LINGO2: variants seen among roughly 807,000 people sequenced by gnomAD.
LINGO2 encodes the protein leucine rich repeat and Ig domain containing 2, also known as leucine-rich repeat and immunoglobulin-like domain-containing nogo receptor-interacting protein 2.
Under a neutral mutation model 30.6 loss-of-function variants are expected in LINGO2, and 14 were observed. The ratio of observed to expected loss-of-function variants is 0.46; its 90% CI spans 0.30 to 0.72. LINGO2 has a LOEUF of 0.72. LINGO2 is among the 30% of genes least tolerant of loss of function. The pLI, the probability that LINGO2 is intolerant of heterozygous loss-of-function variation, is 0.07. For missense variants in LINGO2, 729 were observed against 751.7 expected, an observed-to-expected ratio of 0.97 and a Z score of 0.35; for synonymous variants, 317 against 288.5, an observed-to-expected ratio of 1.10 and a Z score of -1.00.
At chr9:28,559,828 GA>G (rs1415491636) in intron 1 of LINGO2, among the ~76,000 whole-genome samples, 1 of 151,908 alleles carries the variant, frequency 6.6e-6, no homozygotes, top group Non-Finnish European at 1.5e-5. Context: ...TTCATTTCAA[GA>G]AAAGTTTAGT....
chr9:28,476,564 C>G (rs934754096), intron 1 of LINGO2, among the ~76,000 whole-genome samples: 1 of 152,298 alleles, frequency 6.6e-6, no homozygotes, highest in South Asian at 2.1e-4. Context: ...CGTGAGCCAC[C>G]GCGCCCGGCC....
At chr9:28,238,269 G>A (rs2133962597) in intron 4 of LINGO2, among the ~76,000 whole-genome samples, 1 of 151,998 alleles carries the variant, frequency 6.6e-6, no homozygotes, top group African/African-American at 2.4e-5. Flanking sequence ...ACAAAAAATG[G>A]GACTTAATCT....
the LINGO2 span, among the ~76,000 whole-genome samples, chr9:29,078,517 G>C: frequency 6.6e-6 from 1 of 151,884 alleles, no homozygotes; most frequent in East Asian, 1.9e-4. Flanking sequence ...AATAAACCTT[G>C]AGTCACAACT....
At chr9:28,479,883 GTA>G (rs1491171395) in intron 1 of LINGO2, among the ~76,000 whole-genome samples, 105 of 122,358 alleles carry the variant, frequency 8.6e-4, no homozygotes, top group East Asian at 1.2e-3. Context: ...GTGTGTGTGT[GTA>G]TGTGTGTATG....
At chr9:28,968,771 T>G in the LINGO2 span, among the ~76,000 whole-genome samples, 1 of 152,312 alleles carries the variant, frequency 6.6e-6, no homozygotes, top group East Asian at 1.9e-4. Context: ...TTCTTGGAAC[T>G]TGTATTAATT....
intron 3 of LINGO2, among the ~76,000 whole-genome samples, chr9:28,359,094 A>G (rs1820343674): frequency 6.6e-6 from 1 of 152,030 alleles, no homozygotes. Context: ...CCTTTACCTA[A>G]CCCAAACTTC....
At chr9:29,086,981 T>C in the LINGO2 span, among the ~76,000 whole-genome samples, 1 of 151,344 alleles carries the variant, frequency 6.6e-6, no homozygotes, top group Non-Finnish European at 1.5e-5. Context: ...TCCCGGGCAA[T>C]TCTTCTGCCT....
chr9:29,149,580 C>T, the LINGO2 span, among the ~76,000 whole-genome samples: 1 of 151,644 alleles, frequency 6.6e-6, no homozygotes, highest in African/African-American at 2.4e-5. Flanking sequence ...GGGCTAGTTT[C>T]CACCCCTGAA....
At chr9:29,156,627 G>C in the LINGO2 span, among the ~76,000 whole-genome samples, 1 of 151,942 alleles carries the variant, frequency 6.6e-6, no homozygotes, top group Non-Finnish European at 1.5e-5. Context: ...TAACTTCCAA[G>C]ACTGAAGTAC....
the LINGO2 span, among the ~76,000 whole-genome samples, chr9:29,170,866 T>A: frequency 6.6e-6 from 1 of 152,204 alleles, no homozygotes. Flanking sequence ...TTTTCTTTAG[T>A]GAATTAAATT....
chr9:28,419,515 T>C (rs1823101728), intron 2 of LINGO2, among the ~76,000 whole-genome samples: 1 of 152,030 alleles, frequency 6.6e-6, no homozygotes, highest in East Asian at 1.9e-4. Flanking sequence ...TAGTCCATCT[T>C]GTCCTTAAAC....
chr9:28,910,305 C>A, the LINGO2 span, among the ~76,000 whole-genome samples: 2 of 151,150 alleles, frequency 1.3e-5, no homozygotes, highest in Non-Finnish European at 3.0e-5. Context: ...TAAATGCTCA[C>A]CAATTTTTTT....
chr9:28,565,848 C>T (rs575883485), intron 1 of LINGO2, among the ~76,000 whole-genome samples: 151 of 152,194 alleles, frequency 9.9e-4, no homozygotes, highest in African/African-American at 3.4e-3. Context: ...GCCACTGTGA[C>T]GAGCCCAAAA....
At chr9:28,073,189 T>C (rs1357947437) in intron 4 of LINGO2, among the ~76,000 whole-genome samples, 2 of 152,012 alleles carry the variant, frequency 1.3e-5, no homozygotes, top group African/African-American at 2.4e-5. Context: ...GCTGACGGGA[T>C]GGAGAAGGGC....
At chr9:28,211,973 CT>C (rs1820608988) in intron 4 of LINGO2, among the ~76,000 whole-genome samples, 2 of 150,924 alleles carry the variant, frequency 1.3e-5, no homozygotes, top group African/African-American at 4.9e-5. Flanking sequence ...ACTGCAGTTA[CT>C]TTTGCACCAA....
chr9:29,124,230 C>A, the LINGO2 span, among the ~76,000 whole-genome samples: 1 of 152,058 alleles, frequency 6.6e-6, no homozygotes, highest in East Asian at 1.9e-4. Context: ...GAAACTGGAC[C>A]CCTTCTATTA....
intron 4 of LINGO2, among the ~76,000 whole-genome samples, chr9:28,216,611 G>T (rs774187342): frequency 6.6e-6 from 1 of 151,832 alleles, no homozygotes; most frequent in Non-Finnish European, 1.5e-5. Context: ...TTTGAGTTGA[G>T]AATGCAATCC....
chr9:28,502,151 CACACACACACAT>C lies in LINGO2; in HGVS notation c.-364-26138_-364-26127del, dbSNP rs1455823314. Among the ~76,000 whole-genome samples the C allele has an allele frequency of 1.3e-3, 192 of 150,610 alleles. 2 individuals are homozygous for C. The highest frequency in any genetic ancestry group is 1.1e-3 in the Non-Finnish European group (77 of 67,770). ...ACACAGACACACACACACACACACA[CACACACACACAT>C]ACACACACACACATTTCTGTGGCAT... On this transcript the variant is annotated intron_variant, in intron 1 of 5. Transcript: ENST00000379992.
chr9:28,066,021 T>G (rs1426448324), intron 4 of LINGO2, among the ~76,000 whole-genome samples: 1 of 152,092 alleles, frequency 6.6e-6, no homozygotes, highest in Non-Finnish European at 1.5e-5. Flanking sequence ...AGAGGTTTTC[T>G]GTGGCTCCTG....
Sources: allele counts gnomAD v4.1 joint callset (sites outside exome capture counted in the v4.1 genomes callset), GRCh38; gene constraint gnomAD v4.1.1; transcripts MANE v1.5; gene names NCBI Gene and HGNC (gene_info 2026-07-23, HGNC 2026-07-21).